SEC24A: variants seen among roughly 807,000 people sequenced by gnomAD.
SEC24A encodes protein transport protein Sec24A.
In SEC24A, 93 loss-of-function variants were observed where a neutral mutation model predicts 129.4. The ratio of observed to expected loss-of-function variants is 0.72; its 90% CI spans 0.61 to 0.85. The LOEUF (loss-of-function observed/expected upper bound fraction) is 0.85, where lower values mean the gene tolerates loss of function less well. SEC24A is among the 40% of genes least tolerant of loss of function. SEC24A has a pLI of 0.00. For missense variants in SEC24A, 1,264 were observed against 1,307.4 expected, an observed-to-expected ratio of 0.97 and a Z score of 0.51; for synonymous variants, 460 against 467.3, an observed-to-expected ratio of 0.98 and a Z score of 0.20.
At chr5:134,664,499 AAT>A (rs1310998901) in intron 2 of SEC24A, among the ~76,000 whole-genome samples, 4 of 152,178 alleles carry the variant, frequency 2.6e-5, no homozygotes, top group African/African-American at 9.6e-5. Flanking sequence ...TCTGTTCAAA[AAT>A]AGTCTTCTAA....
chr5:134,661,635 C>T (rs973487965), intron 2 of SEC24A, 49 bp downstream of exon 2: 2 of 1,390,066 alleles, frequency 1.4e-6, no homozygotes, highest in Non-Finnish European at 2.0e-6. Flanking sequence ...GAAACTTTTG[C>T]TTATTTAGAT....
chr5:134,674,941 A>G (rs1003320948), intron 5 of SEC24A, 104 bp from the exon 6 acceptor site: 157 of 1,173,384 alleles, frequency 1.3e-4, no homozygotes, highest in Non-Finnish European at 1.8e-4. Context: ...GAACCAAAAG[A>G]TTGGCCAAGA....
intron 17 of SEC24A, among the ~76,000 whole-genome samples, chr5:134,705,850 A>G (rs1454440299): frequency 1.3e-5 from 2 of 149,836 alleles, no homozygotes; most frequent in Admixed American, 6.7e-5. Flanking sequence ...CTGTCTCTAT[A>G]TATTTATATA....
intron 13 of SEC24A, 132 bp downstream of exon 13, chr5:134,694,065 T>C: frequency 2.9e-6 from 2 of 699,806 alleles, no homozygotes; most frequent in South Asian, 4.0e-5. Context: ...AACTTTTATG[T>C]AGACATTTTT....
At chr5:134,698,078 C>T (rs768865815) in intron 15 of SEC24A, 21 bp downstream of exon 15, 28 of 1,587,034 alleles carry the variant, frequency 1.8e-5, no homozygotes, top group East Asian at 1.1e-4. Flanking sequence ...TTTTTTTTTG[C>T]GTAGGACTGA....
chr5:134,715,488 C>T (rs922033307), intron 19 of SEC24A: 3 of 213,938 alleles, frequency 1.4e-5, no homozygotes, highest in Non-Finnish European at 2.7e-5. Flanking sequence ...CATTTTTGCT[C>T]GCTTCAGCAG....
chr5:134,705,204 T>G (rs1315862866), intron 16 of SEC24A, 123 bp from the exon 17 acceptor site: 3 of 574,450 alleles, frequency 5.2e-6, no homozygotes, highest in Admixed American at 3.1e-5. Context: ...GCCTCTGGAG[T>G]AGGTGGGACT....
chr5:134,710,894 G>A (rs1019524370), intron 18 of SEC24A, among the ~76,000 whole-genome samples: 22 of 152,194 alleles, frequency 1.4e-4, no homozygotes, highest in African/African-American at 5.3e-4. Context: ...CCAACACTTT[G>A]GGAGGCCAAG....
At chr5:134,666,294 G>A (rs1292503098) in intron 2 of SEC24A, among the ~76,000 whole-genome samples, 3 of 152,226 alleles carry the variant, frequency 2.0e-5, no homozygotes, top group South Asian at 4.1e-4. Context: ...AGTGGCTCAC[G>A]CCTATAATCT....
chr5:134,705,083 T>C (rs1180888763), intron 16 of SEC24A, among the ~76,000 whole-genome samples: 2 of 130,976 alleles, frequency 1.5e-5, no homozygotes, highest in African/African-American at 5.8e-5. Flanking sequence ...TATATATATA[T>C]ATATATATTT....
intron 15 of SEC24A, among the ~76,000 whole-genome samples, chr5:134,703,239 A>G (rs1752055222): frequency 6.6e-6 from 1 of 152,120 alleles, no homozygotes; most frequent in Non-Finnish European, 1.5e-5. Context: ...GAATTTTGAT[A>G]GATACTGCCA....
intron 7 of SEC24A, among the ~76,000 whole-genome samples, chr5:134,679,070 G>T (rs1424046445): frequency 6.6e-6 from 1 of 151,818 alleles, no homozygotes; most frequent in Non-Finnish European, 1.5e-5. Context: ...GAAAAAAATG[G>T]TTTTTACATT....
intron 18 of SEC24A, among the ~76,000 whole-genome samples, chr5:134,714,731 C>T (rs538314992): frequency 7.2e-5 from 11 of 152,310 alleles, no homozygotes; most frequent in African/African-American, 2.4e-4. Context: ...TTATCACTAT[C>T]ATTATATGGT....
intron 17 of SEC24A, among the ~76,000 whole-genome samples, chr5:134,706,405 A>G (rs1462099486): frequency 6.6e-6 from 1 of 152,074 alleles, no homozygotes; most frequent in Non-Finnish European, 1.5e-5. Flanking sequence ...TGTCCTCTTG[A>G]TTTTTTTGGT....
intron 4 of SEC24A, among the ~76,000 whole-genome samples, chr5:134,673,146 C>G (rs982749985): frequency 6.7e-6 from 1 of 149,242 alleles, no homozygotes; most frequent in Non-Finnish European, 1.5e-5. Context: ...ACCTCCAACT[C>G]CCTGGTTCAA....
intron 4 of SEC24A, among the ~76,000 whole-genome samples, 171 bp downstream of exon 4, chr5:134,672,057 G>A (rs1454516874): frequency 2.0e-5 from 3 of 152,236 alleles, no homozygotes; most frequent in African/African-American, 7.2e-5. Context: ...TCACTCTGTC[G>A]CTCAGGCTGG....
At chr5:134,714,265 G>T (rs1239773715) in intron 18 of SEC24A, among the ~76,000 whole-genome samples, 1 of 151,958 alleles carries the variant, frequency 6.6e-6, no homozygotes, top group Non-Finnish European at 1.5e-5. Flanking sequence ...AGCACTCATG[G>T]GCCACTTAGT....
chr5:134,648,681 G>GGTGAGT, upstream of SEC24A: 1 of 156,022 alleles, frequency 6.4e-6, no homozygotes, highest in Non-Finnish European at 1.4e-5. Flanking sequence ...GGGGCAGCCC[G>GGTGAGT]GCTGGCAGAG....
At chr5:134,699,028 T>A in intron 15 of SEC24A, among the ~76,000 whole-genome samples, 1 of 151,580 alleles carries the variant, frequency 6.6e-6, no homozygotes, top group East Asian at 2.0e-4. Flanking sequence ...CTGACTCAAG[T>A]GATCCTCCCA....
Sources: allele counts gnomAD v4.1 joint callset (sites outside exome capture counted in the v4.1 genomes callset), GRCh38; gene constraint gnomAD v4.1.1; transcripts MANE v1.5; gene names NCBI Gene and HGNC (gene_info 2026-07-23, HGNC 2026-07-21).